ALDH5A1: variants seen among roughly 807,000 people sequenced by gnomAD.
ALDH5A1 encodes aldehyde dehydrogenase 5 family member A1, also known as succinate-semialdehyde dehydrogenase, mitochondrial.
In ALDH5A1, 33 loss-of-function variants were observed where a neutral mutation model predicts 54.7. That is an observed-to-expected ratio of 0.60 (90% confidence interval 0.46 to 0.81). The LOEUF (loss-of-function observed/expected upper bound fraction) is 0.81, where lower values mean the gene tolerates loss of function less well. ALDH5A1 is among the 30% of genes least tolerant of loss of function. ALDH5A1 has a pLI of 0.00. For missense variants in ALDH5A1, 657 were observed against 711.0 expected (o/e 0.92, Z 0.86); for synonymous variants, 294 against 292.7 (o/e 1.00, Z -0.05).
intron 4 of ALDH5A1, among the ~76,000 whole-genome samples, chr6:24,507,787 T>A (rs753585551): frequency 3.3e-5 from 5 of 152,210 alleles, no homozygotes; most frequent in Non-Finnish European, 7.3e-5. Context: ...TTTTATTTTT[T>A]AATTTTTATT....
chr6:24,496,142 A>T (rs369760234), intron 1 of ALDH5A1, among the ~76,000 whole-genome samples: 6 of 152,186 alleles, frequency 3.9e-5, no homozygotes, highest in African/African-American at 1.4e-4. Context: ...TACGAGTACA[A>T]GAGAGTCTTA....
intron 1 of ALDH5A1, among the ~76,000 whole-genome samples, chr6:24,498,973 G>A (rs1255936852): frequency 6.6e-6 from 1 of 151,894 alleles, no homozygotes; most frequent in South Asian, 2.1e-4. Flanking sequence ...GGTGGTGGGC[G>A]CCTGTAATCC....
chr6:24,515,607 A>G (rs1303082280), intron 5 of ALDH5A1, among the ~76,000 whole-genome samples: 1 of 152,202 alleles, frequency 6.6e-6, no homozygotes, highest in Non-Finnish European at 1.5e-5. Flanking sequence ...CCGTAATCCC[A>G]GGTACCCAGG....
At chr6:24,496,292 G>A (rs745895257) in intron 1 of ALDH5A1, among the ~76,000 whole-genome samples, 3 of 152,200 alleles carry the variant, frequency 2.0e-5, no homozygotes, top group Non-Finnish European at 4.4e-5. Context: ...GAGCAGAAGA[G>A]AGATCAGAAC....
Position 24,534,713 on chromosome 6 carries a change from CT to C in ALDH5A1, c.*1004del, listed in dbSNP as rs1760009943. Reference sequence around the variant, plus strand: ...GCCCTTCCTTGCCTACTGTCAGTGGCTTTGCCAAGATGGGAGGAGGCCAGTG... The same window carrying C: ...GCCCTTCCTTGCCTACTGTCAGTGGCTTGCCAAGATGGGAGGAGGCCAGTG... On this transcript the variant is annotated 3_prime_UTR_variant, in exon 10 of 10. Coordinates refer to ENST00000357578, the MANE Select transcript of ALDH5A1 (RefSeq NM_001080.3). 6.6e-6 allele frequency: 1 copy of C among 152,410 alleles called. No individual in the cohort carries two copies. The highest frequency in any genetic ancestry group is 2.4e-5 in the African/African-American group (1 of 41,472). The allele number at this position is 152,410 out of a possible 1,614,324, so 9.4% of individuals were successfully genotyped here.
intron 3 of ALDH5A1, 72 bp from the exon 4 acceptor site, chr6:24,504,797 C>T: frequency 7.0e-7 from 1 of 1,438,332 alleles, no homozygotes; most frequent in Non-Finnish European, 9.8e-7. Flanking sequence ...CACTGACTTC[C>T]CAACATGCCT....
chr6:24,513,462 G>T (rs1759500417), intron 4 of ALDH5A1, among the ~76,000 whole-genome samples: 1 of 152,148 alleles, frequency 6.6e-6, no homozygotes, highest in Non-Finnish European at 1.5e-5. Flanking sequence ...TTGGAAGAAG[G>T]CCCAGTTAGG....
intron 9 of ALDH5A1, 81 bp downstream of exon 9, chr6:24,532,258 C>T (rs1759951068): frequency 1.4e-6 from 2 of 1,446,958 alleles, no homozygotes; most frequent in East Asian, 4.5e-5. Flanking sequence ...AAACATCACC[C>T]TGGGTTTTGA....
At chr6:24,508,136 G>A (rs943073174) in intron 4 of ALDH5A1, among the ~76,000 whole-genome samples, 21 of 151,926 alleles carry the variant, frequency 1.4e-4, no homozygotes, top group Non-Finnish European at 2.2e-4. Context: ...AGGCTGAGGC[G>A]GGCAGATCAC....
chr6:24,505,134 T>C, intron 4 of ALDH5A1, 149 bp downstream of exon 4: 1 of 843,748 alleles, frequency 1.2e-6, no homozygotes, highest in Admixed American at 2.0e-5. Flanking sequence ...GTGATTACTT[T>C]AAGTCAGCTG....
rs1020387454 is a variant in ALDH5A1, at chr6:24,495,217, C to T, written c.221C>T (p.Ala74Val). ...FVGGRWLPAA[A>V]TFPVQDPASG... Reference sequence around the variant, plus strand: ...GGCGGCCGCTGGCTCCCGGCCGCCGCCACCTTCCCCGTGCAAGACCCGGCC... The same window carrying T: ...GGCGGCCGCTGGCTCCCGGCCGCCGTCACCTTCCCCGTGCAAGACCCGGCC... Residue 74 changes from alanine to valine, a missense_variant, in exon 1 of 10, where the codon GCC (alanine) becomes GTC (valine). This residue lies in a region of ALDH5A1 where 232 missense variants were observed against 194.6 expected (regional missense o/e 1.19). Transcript: ENST00000357578. The T allele has an allele frequency of 6.6e-7, 1 of 1,511,106 alleles. No homozygotes were observed. Among genetic ancestry groups the T allele is most frequent in the Non-Finnish European group, 8.8e-7 (1 of 1,137,738 alleles). The allele number at this position is 1,511,106 out of a possible 1,614,324, so 93.6% of individuals were successfully genotyped here.
rs1561871767 is a variant in ALDH5A1 at position 24,508,392 on chromosome 6, T to TAAAA, written c.726+3409_726+3410insAAAA. 3.2e-3 allele frequency among the ~76,000 whole-genome samples: 44 copies of TAAAA among 13,872 alleles called. 9 individuals are homozygous for TAAAA. The highest frequency in any genetic ancestry group is 7.5e-3 in the African/African-American group (42 of 5,626). 9.1% of individuals were successfully genotyped at this position (13,872 alleles called of 152,430 possible). Reference sequence around the variant, plus strand: ...AAAAAAAAAAAAAAAAAAAAAAGATTAATAGTCTCTAATCCTCTAATCTCA... The same window carrying TAAAA: ...AAAAAAAAAAAAAAAAAAAAAAGATTAAAAAATAGTCTCTAATCCTCTAATCTCA... On this transcript the variant is annotated intron_variant, in intron 4 of 9. Transcript: ENST00000357578.
Position 24,495,296 on chromosome 6 carries a change from CGCCGTGCGCGCT to C in ALDH5A1, c.304_315del (p.Val102_Ala105del), listed in dbSNP as rs1554135746. ...ACTGCGGGGTGCGAGAGGCCCGCGCCGCCGTGCGCGCTGCCTACGAGGCTTTCTGCCGCTGGA... is the reference window on the plus strand; with the variant it reads ...ACTGCGGGGTGCGAGAGGCCCGCGCCGCCTACGAGGCTTTCTGCCGCTGGA... On this transcript the variant is annotated inframe_deletion, in exon 1 of 10. Transcript: ENST00000357578. The C allele has an allele frequency of 1.3e-6, 2 of 1,532,616 alleles. No homozygotes were observed. Among genetic ancestry groups the C allele is most frequent in the Non-Finnish European group, 1.7e-6 (2 of 1,146,266 alleles). The allele number at this position is 1,532,616 out of a possible 1,614,324, so 94.9% of individuals were successfully genotyped here. A position where few individuals can be genotyped will look rare whatever the true frequency, so the allele number is the denominator to read the frequency against.
chr6:24,524,101 T>C (rs1275492485), intron 7 of ALDH5A1, among the ~76,000 whole-genome samples: 1 of 150,734 alleles, frequency 6.6e-6, no homozygotes, highest in Non-Finnish European at 1.5e-5. Flanking sequence ...TTCTCCTGCC[T>C]CAGCCTCCCG....
intron 1 of ALDH5A1, among the ~76,000 whole-genome samples, chr6:24,500,895 A>C (rs1332036438): frequency 6.8e-6 from 1 of 148,026 alleles, no homozygotes; most frequent in African/African-American, 2.4e-5. Context: ...GTACAAAAAA[A>C]ATTTTTTTTT....
At chr6:24,495,817 G>C (rs1183335114) in intron 1 of ALDH5A1, among the ~76,000 whole-genome samples, 1 of 152,200 alleles carries the variant, frequency 6.6e-6, no homozygotes, top group Non-Finnish European at 1.5e-5. Flanking sequence ...CCCCTGGCCA[G>C]AATCATGGGA....
Position 24,524,299 on chromosome 6 carries a change from C to T in ALDH5A1, c.1173+1374C>T, listed in dbSNP as rs374408681. ...CATGCCTACCCAGAAATGGTTTTAA[C>T]GGAATATTTTAAATCAGGAAGACAG... On this transcript the variant is annotated intron_variant, in intron 7 of 9. Coordinates refer to ENST00000357578, the MANE Select transcript of ALDH5A1 (RefSeq NM_001080.3). 5.8e-4 allele frequency among the ~76,000 whole-genome samples: 89 copies of T among 152,142 alleles called. 2 individuals are homozygous for T. The South Asian group carries it at 0.015, about 26-fold the overall frequency.
chr6:24,527,654 A>G (rs1019949891), intron 7 of ALDH5A1, among the ~76,000 whole-genome samples: 8 of 152,212 alleles, frequency 5.3e-5, no homozygotes, highest in African/African-American at 1.9e-4. Flanking sequence ...ATAGGACAAC[A>G]TGGGATCCAA....
At chr6:24,516,253 G>A (rs890071690) in intron 5 of ALDH5A1, among the ~76,000 whole-genome samples, 1 of 151,508 alleles carries the variant, frequency 6.6e-6, no homozygotes, top group Non-Finnish European at 1.5e-5. Context: ...TGGCTAACAC[G>A]GTGAAACCCC....
Sources: allele counts gnomAD v4.1 joint callset (sites outside exome capture counted in the v4.1 genomes callset), GRCh38; gene constraint gnomAD v4.1.1; regional missense constraint gnomAD v4.1.1; transcripts MANE v1.5; gene names NCBI Gene and HGNC (gene_info 2026-07-23, HGNC 2026-07-21).